The following PLA2G12A variants were observed in gnomAD, a reference collection of about 807,000 sequenced individuals.
The protein encoded by PLA2G12A is group XIIA secretory phospholipase A2.
Under a neutral mutation model 16.0 loss-of-function variants are expected in PLA2G12A, and 11 were observed. That is an observed-to-expected ratio of 0.69 (90% confidence interval 0.43 to 1.13). The LOEUF is 1.13. Among genes scored for constraint, PLA2G12A ranks in the 50% most tolerant of loss-of-function variants. The pLI is 0.00. For synonymous variants in PLA2G12A, 77 were observed against 93.8 expected, an observed-to-expected ratio of 0.82 and a Z score of 1.03; for missense variants, 214 against 237.3, an observed-to-expected ratio of 0.90 and a Z score of 0.65.
At chr4:109,728,645 C>A (rs1325425033) in intron 1 of PLA2G12A, among the ~76,000 whole-genome samples, 1 of 152,166 alleles carries the variant, frequency 6.6e-6, no homozygotes, top group Non-Finnish European at 1.5e-5. Context: ...AAATTGCAGG[C>A]AGCATGTGGC....
At position 109,717,669 on chromosome 4, in the gene PLA2G12A, G is replaced by C; in HGVS notation, c.330C>G (p.His110Gln). 6 of 1,613,878 alleles carry C rather than the reference G, an allele frequency of 3.7e-6. No homozygotes were observed. Among genetic ancestry groups the C allele is most frequent in the Non-Finnish European group, 5.1e-6 (6 of 1,179,800 alleles). Residue 110 changes from histidine (H) to glutamine (Q), a missense_variant, in exon 3 of 4, where the codon CAC becomes CAG. Physicochemically the swap from His to Gln is conservative, Grantham distance 24. Coordinates refer to ENST00000243501, the MANE Select transcript of PLA2G12A (RefSeq NM_030821.5). Reference sequence around the variant, plus strand: ...TGCCACAGGTCTCATAGCACCTGTCGTGTTGGTTGCAACACTTTGTCAGGG... The same window carrying C: ...TGCCACAGGTCTCATAGCACCTGTCCTGTTGGTTGCAACACTTTGTCAGGG... Reference protein sequence around the residue: ...IPSLTKCCNQHDRCYETCGKS... With the variant: ...IPSLTKCCNQQDRCYETCGKS...
rs749636426 is a variant in PLA2G12A, at chr4:109,714,481, C to A, written c.466G>T (p.Val156Leu). ...TQHVQACETT[V>L]ELLFDSVIHL... ...ATAACACTGTCAAACAAGAGCTCCACTGTTGTTTCACATGCTGCAAAACAA... is the reference window on the plus strand; with the variant it reads ...ATAACACTGTCAAACAAGAGCTCCAATGTTGTTTCACATGCTGCAAAACAA... The change falls in exon 4 of 4, where the codon GTG (valine) becomes TTG (leucine). Residue 156 changes from valine (V) to leucine (L), a missense_variant. Coordinates refer to ENST00000243501, the MANE Select transcript of PLA2G12A (RefSeq NM_030821.5). The A allele has an allele frequency of 5.6e-6, 9 of 1,613,078 alleles. No homozygotes were observed. Among genetic ancestry groups the A allele is most frequent in the Non-Finnish European group, 7.6e-6 (9 of 1,179,110 alleles).
chr4:109,726,715 C>T (rs1237525756), intron 1 of PLA2G12A, among the ~76,000 whole-genome samples: 1 of 152,110 alleles, frequency 6.6e-6, no homozygotes, highest in African/African-American at 2.4e-5. Context: ...AGTTTTCTTC[C>T]TTAAATCTTC....
rs145004094 is a variant in PLA2G12A, at chr4:109,715,590, A to C, written c.452-1095T>G. On this transcript the variant is annotated intron_variant, in intron 3 of 3. Coordinates refer to ENST00000243501, the MANE Select transcript of PLA2G12A (RefSeq NM_030821.5). ...AACCTCTGCCTCCTGGGTTCAAGTG[A>C]TTCTTCCACCTCAGCCTTCTGAGTA... is the stretch of plus-strand genomic sequence containing the variant. Among the ~76,000 whole-genome samples the C allele has an allele frequency of 6.7e-3, 1,013 of 152,120 alleles. 13 individuals carry two copies. The highest frequency in any genetic ancestry group is 0.023 in the African/African-American group (947 of 41,482).
rs553592378 is a variant in PLA2G12A at position 109,729,804 on chromosome 4, G to A, written c.6C>T (p.Ala2=). 22 of 1,550,106 alleles carry A rather than the reference G, an allele frequency of 1.4e-5. No homozygotes were observed. In the South Asian group the frequency reaches 2.6e-4, roughly 18 times the overall value. Residue 2 remains alanine (A), a synonymous_variant, in exon 1 of 4, where the codon GCC becomes GCT. Transcript: ENST00000243501. M[A]LLSRPALTLL... is the part of the protein sequence containing the mutation. ...GGGTGAGCGCGGGGCGCGAGAGCAG[G>A]GCCATGCGCGCAGCGCCGGGCTCTA...
At chr4:109,720,913 A>C (rs912719952) in intron 1 of PLA2G12A, among the ~76,000 whole-genome samples, 3 of 151,956 alleles carry the variant, frequency 2.0e-5, no homozygotes, top group African/African-American at 7.3e-5. Flanking sequence ...TACTAAATAT[A>C]CAAAATTAGC....
chr4:109,719,951 A>C (rs1730894099), intron 1 of PLA2G12A, among the ~76,000 whole-genome samples: 1 of 152,216 alleles, frequency 6.6e-6, no homozygotes, highest in Admixed American at 6.5e-5. Flanking sequence ...CATTAAAGCA[A>C]AACACATTAA....
intron 1 of PLA2G12A, among the ~76,000 whole-genome samples, chr4:109,727,339 G>A (rs1330961371): frequency 6.6e-6 from 1 of 151,884 alleles, no homozygotes; most frequent in Non-Finnish European, 1.5e-5. Flanking sequence ...TCGAACTCCT[G>A]AGCTCAACTG....
chr4:109,723,137 T>C (rs967981943), intron 1 of PLA2G12A, among the ~76,000 whole-genome samples: 2 of 152,126 alleles, frequency 1.3e-5, no homozygotes, highest in Non-Finnish European at 2.9e-5. Context: ...CCTTTTGTGC[T>C]GGATAAAGTA....
intron 1 of PLA2G12A, among the ~76,000 whole-genome samples, chr4:109,727,067 G>A (rs535237115): frequency 1.4e-4 from 22 of 151,970 alleles, no homozygotes; most frequent in Middle Eastern, 3.4e-3. Context: ...TATAGGAAAG[G>A]TTGAATTGTT....
intron 3 of PLA2G12A, among the ~76,000 whole-genome samples, chr4:109,716,855 T>C (rs1730836675): frequency 6.6e-6 from 1 of 152,224 alleles, no homozygotes; most frequent in South Asian, 2.1e-4. Flanking sequence ...CAGTGTGCTA[T>C]ACTCTTAAAT....
rs2126168050 is a variant in PLA2G12A, at chr4:109,722,869, G to A, written c.209-4110C>T. ...TTTTGGATTCCCAATGCCTAGAACA[G>A]TGCCTGGAATAACTTTGTGATGAAT... On this transcript the variant is annotated intron_variant, in intron 1 of 3. Coordinates refer to ENST00000243501, the MANE Select transcript of PLA2G12A (RefSeq NM_030821.5). 1.3e-5 allele frequency among the ~76,000 whole-genome samples: 2 copies of A among 152,354 alleles called. 1 individual carries two copies. The highest frequency in any genetic ancestry group is 4.1e-4 in the South Asian group (2 of 4,832).
chr4:109,726,393 C>T (rs987341965), intron 1 of PLA2G12A, among the ~76,000 whole-genome samples: 1 of 152,182 alleles, frequency 6.6e-6, no homozygotes, highest in African/African-American at 2.4e-5. Context: ...TTTGACTTAA[C>T]TCATACCTAA....
intron 1 of PLA2G12A, among the ~76,000 whole-genome samples, chr4:109,720,574 C>CAAAAAAAAA (rs61477793): frequency 2.7e-5 from 1 of 37,488 alleles, no homozygotes; most frequent in Non-Finnish European, 4.4e-5. Flanking sequence ...TGTCTGTATT[C>CAAAAAAAAA]AAAAAAAAAA....
At chr4:109,720,444 A>C (rs1465509519) in intron 1 of PLA2G12A, among the ~76,000 whole-genome samples, 1 of 151,640 alleles carries the variant, frequency 6.6e-6, no homozygotes, top group Non-Finnish European at 1.5e-5. Flanking sequence ...CCTCAAGGTA[A>C]TAACTGAAAA....
intron 1 of PLA2G12A, among the ~76,000 whole-genome samples, chr4:109,723,637 A>C (rs1375277782): frequency 6.6e-6 from 1 of 152,226 alleles, no homozygotes; most frequent in African/African-American, 2.4e-5. Context: ...TGGGAAGCCC[A>C]TTCTAGTTCC....
At chr4:109,729,193 T>C (rs1231510000) in intron 1 of PLA2G12A, among the ~76,000 whole-genome samples, 1 of 152,204 alleles carries the variant, frequency 6.6e-6, no homozygotes, top group African/African-American at 2.4e-5. Flanking sequence ...TAATACGGCA[T>C]GGTTTTTAAA....
chr4:109,714,114 G>C lies in PLA2G12A; in HGVS notation c.*263C>G. On this transcript the variant is annotated 3_prime_UTR_variant, in exon 4 of 4. Transcript: ENST00000243501. ...AAAATTCTCCGCTAAACAAGCACTTGTTTTTGATATTGGTCAAGACATTTG... is the reference window on the plus strand; with the variant it reads ...AAAATTCTCCGCTAAACAAGCACTTCTTTTTGATATTGGTCAAGACATTTG... The C allele has an allele frequency of 2.8e-6, 1 of 357,338 alleles. No homozygotes were observed. The highest frequency in any genetic ancestry group is 5.1e-6 in the Non-Finnish European group (1 of 195,232). The allele number at this position is 357,338 out of a possible 1,614,324, so 22.1% of individuals were successfully genotyped here.
In PLA2G12A at chr4:109,713,052, G is replaced by A. The variant is rs191465352; in HGVS notation, c.*1325C>T. ...CAGAACATACTTTTCCTTCTGCCCTGTTCTACCTGTAATGACTTACAAATA... is the reference window on the plus strand; with the variant it reads ...CAGAACATACTTTTCCTTCTGCCCTATTCTACCTGTAATGACTTACAAATA... On this transcript the variant is annotated 3_prime_UTR_variant, in exon 4 of 4. Transcript: ENST00000243501. The A allele has an allele frequency of 3.9e-5, 6 of 152,178 alleles. No homozygotes were observed. In the East Asian group the frequency reaches 9.7e-4, roughly 24 times the overall value. The allele number at this position is 152,178 out of a possible 1,614,324, so 9.4% of individuals were successfully genotyped here.
Sources: allele counts gnomAD v4.1 joint callset (sites outside exome capture counted in the v4.1 genomes callset), GRCh38; gene constraint gnomAD v4.1.1; transcripts MANE v1.5; gene names NCBI Gene and HGNC (gene_info 2026-07-23, HGNC 2026-07-21).